The following CLSTN2 variants were observed in gnomAD, a reference collection of about 807,000 sequenced individuals.
The protein encoded by CLSTN2 is calsyntenin-2.
A neutral mutation model predicts 101.2 loss-of-function variants in CLSTN2; 48 were observed. The ratio of observed to expected loss-of-function variants is 0.47; its 90% CI spans 0.38 to 0.60. The LOEUF (loss-of-function observed/expected upper bound fraction) is 0.60. Among genes scored for constraint, CLSTN2 ranks in the 20% least tolerant of loss-of-function variants. The pLI is 0.00. For missense variants in CLSTN2, 1,160 were observed against 1,238.2 expected (o/e 0.94, Z 0.95); for synonymous variants, 481 against 463.6 (o/e 1.04, Z -0.48).
Position 140,571,271 on chromosome 3 carries a change from C to T in CLSTN2, c.*5018C>T, listed in dbSNP as rs547996530. 5.6e-4 allele frequency: 86 copies of T among 152,290 alleles called. No homozygotes were observed. Among genetic ancestry groups the T allele is most frequent in the African/African-American group, 2.0e-3 (84 of 41,560 alleles). 9.4% of individuals were successfully genotyped at this position (152,290 alleles called of 1,614,324 possible). ...CTGTTTGAATCAATAGCAACATCATCAGTAGAAAGCCCGACCAAGCACACT... is the reference window on the plus strand; with the variant it reads ...CTGTTTGAATCAATAGCAACATCATTAGTAGAAAGCCCGACCAAGCACACT... On this transcript the variant is annotated 3_prime_UTR_variant, in exon 17 of 17. Transcript: ENST00000458420.
chr3:140,455,642 A>T (rs1933380680), intron 6 of CLSTN2, among the ~76,000 whole-genome samples: 1 of 152,074 alleles, frequency 6.6e-6, no homozygotes, highest in Non-Finnish European at 1.5e-5. Context: ...AGGGACCTTC[A>T]CGGAGGATTC....
chr3:140,130,635 T>G (rs2009507879), intron 1 of CLSTN2, among the ~76,000 whole-genome samples: 2 of 152,166 alleles, frequency 1.3e-5, no homozygotes, highest in African/African-American at 4.8e-5. Flanking sequence ...AACATGAAAC[T>G]AATTTAATGT....
At chr3:140,127,611 A>G (rs1260861422) in intron 1 of CLSTN2, among the ~76,000 whole-genome samples, 1 of 152,142 alleles carries the variant, frequency 6.6e-6, no homozygotes, top group East Asian at 1.9e-4. Flanking sequence ...GCTGTCAGGA[A>G]TCACAGCTCT....
intron 8 of CLSTN2, among the ~76,000 whole-genome samples, chr3:140,476,853 A>G (rs913980971): frequency 1.3e-5 from 2 of 151,736 alleles, no homozygotes; most frequent in African/African-American, 4.8e-5. Flanking sequence ...TACAGATGGG[A>G]TTTCACTGTG....
chr3:139,942,436 T>G (rs773453438), intron 1 of CLSTN2, among the ~76,000 whole-genome samples: 3 of 152,094 alleles, frequency 2.0e-5, no homozygotes, highest in African/African-American at 4.8e-5. Flanking sequence ...TTCTCCTGAT[T>G]CGGTTATTCA....
chr3:140,196,253 G>A (rs553055334), intron 2 of CLSTN2, among the ~76,000 whole-genome samples: 4 of 152,192 alleles, frequency 2.6e-5, no homozygotes, highest in East Asian at 1.9e-4. Context: ...CAGAGATGGC[G>A]GAGCTTTCCC....
In CLSTN2 at chr3:140,546,732, C is replaced by T. The variant is rs1329554578; in HGVS notation, c.1674+51C>T. On this transcript the variant is annotated intron_variant, in intron 10 of 16. Transcript: ENST00000458420. ...CAATAAGACAGGGATTCATGATGCC[C>T]AGCCTGCACAGCGCCAGCACACGCC... is the stretch of plus-strand genomic sequence containing the variant. 4.1e-5 allele frequency: 61 copies of T among 1,471,944 alleles called. No homozygotes were observed. The Admixed American group carries it at 1.3e-3, about 31-fold the overall frequency. The allele number at this position is 1,471,944 out of a possible 1,614,324, so 91.2% of individuals were successfully genotyped here. A position where few individuals can be genotyped will look rare whatever the true frequency, so the allele number is the denominator to read the frequency against.
At chr3:140,323,782 T>C (rs2087305956) in intron 2 of CLSTN2, among the ~76,000 whole-genome samples, 1 of 152,238 alleles carries the variant, frequency 6.6e-6, no homozygotes, top group Admixed American at 6.5e-5. Context: ...GAGGAAAATT[T>C]ATTTTCTCAT....
intron 10 of CLSTN2, 124 bp from the exon 11 acceptor site, chr3:140,556,389 A>G (rs957981794): frequency 2.5e-6 from 2 of 814,208 alleles, no homozygotes; most frequent in Non-Finnish European, 4.1e-6. Context: ...CAACTGTGTC[A>G]CTGGCAGATG....
chr3:140,246,844 G>C (rs2086522363), intron 2 of CLSTN2, among the ~76,000 whole-genome samples: 1 of 152,108 alleles, frequency 6.6e-6, no homozygotes, highest in South Asian at 2.1e-4. Flanking sequence ...ATTTGCTCCT[G>C]AGAGGCAGCA....
intron 2 of CLSTN2, among the ~76,000 whole-genome samples, chr3:140,219,189 A>G (rs1473260507): frequency 1.3e-5 from 2 of 151,978 alleles, no homozygotes; most frequent in African/African-American, 4.8e-5. Context: ...TGCCTGCTGC[A>G]TTTATTTCTA....
At chr3:140,281,773 AG>A (rs1309106965) in intron 2 of CLSTN2, among the ~76,000 whole-genome samples, 4 of 151,986 alleles carry the variant, frequency 2.6e-5, no homozygotes, top group Non-Finnish European at 5.9e-5. Context: ...CGAGAGAGAG[AG>A]AGAGAGGAGC....
At chr3:139,986,648 T>C (rs541491944) in intron 1 of CLSTN2, among the ~76,000 whole-genome samples, 2 of 152,344 alleles carry the variant, frequency 1.3e-5, no homozygotes, top group East Asian at 1.9e-4. Flanking sequence ...TGGTGAGGTC[T>C]CCTCCAGCCC....
intron 2 of CLSTN2, among the ~76,000 whole-genome samples, chr3:140,399,895 T>C (rs2088221545): frequency 6.6e-6 from 1 of 152,002 alleles, no homozygotes; most frequent in African/African-American, 2.4e-5. Context: ...TTCCCCAGTG[T>C]CTATTCCCCA....
intron 2 of CLSTN2, among the ~76,000 whole-genome samples, chr3:140,288,980 C>T (rs2086924383): frequency 6.6e-6 from 1 of 152,090 alleles, no homozygotes; most frequent in South Asian, 2.1e-4. Flanking sequence ...TCACCTGGGT[C>T]AGCTGCTGCT....
intron 10 of CLSTN2, among the ~76,000 whole-genome samples, chr3:140,551,971 TTCAGCTGAA>T (rs1935712328): frequency 6.6e-6 from 1 of 151,960 alleles, no homozygotes; most frequent in Non-Finnish European, 1.5e-5. Flanking sequence ...AGAGAAATGG[TTCAGCTGAA>T]TCTGTAAGTC....
chr3:140,545,263 C>T (rs963443770), intron 9 of CLSTN2, among the ~76,000 whole-genome samples: 1 of 152,106 alleles, frequency 6.6e-6, no homozygotes, highest in African/African-American at 2.4e-5. Flanking sequence ...TCTAGAGAGC[C>T]AGAGAAGACT....
chr3:140,540,028 A>G (rs1190991553), intron 9 of CLSTN2, among the ~76,000 whole-genome samples: 1 of 152,172 alleles, frequency 6.6e-6, no homozygotes, highest in African/African-American at 2.4e-5. Context: ...TGGAGTCAGT[A>G]GAGAATTCTA....
rs200228212 is a variant in CLSTN2 at position 140,231,519 on chromosome 3, T to C, written c.232+55446T>C. On this transcript the variant is annotated intron_variant, in intron 2 of 16. Coordinates refer to ENST00000458420, the MANE Select transcript of CLSTN2 (RefSeq NM_022131.3). ...CTAAAATATACAGTGACTGTTCCCTTAAATTGGGTTGCCCATTATAGCTCA... is the reference window on the plus strand; with the variant it reads ...CTAAAATATACAGTGACTGTTCCCTCAAATTGGGTTGCCCATTATAGCTCA... 3.9e-5 allele frequency among the ~76,000 whole-genome samples: 6 copies of C among 152,168 alleles called. No individual in the cohort carries two copies. The East Asian group carries it at 1.2e-3, about 29-fold the overall frequency.
Sources: gnomAD v4.1 joint callset for allele counts (sites outside exome capture counted in the v4.1 genomes callset) on GRCh38, gnomAD v4.1.1 for gene constraint, MANE v1.5 for transcripts, NCBI Gene and HGNC (gene_info 2026-07-23, HGNC 2026-07-21) for gene names.